EPHA6: variants seen among roughly 807,000 people sequenced by gnomAD.
EPHA6 encodes ephrin type-A receptor 6.
Under a neutral mutation model 112.0 loss-of-function variants are expected in EPHA6, and 50 were observed. The ratio of observed to expected loss-of-function variants is 0.45; its 90% confidence interval spans 0.36 to 0.56. The LOEUF (loss-of-function observed/expected upper bound fraction) is 0.56, where lower values mean the gene tolerates loss of function less well. EPHA6 is among the 20% of genes least tolerant of loss of function. EPHA6 has a pLI of 0.00. For synonymous variants in EPHA6, 529 were observed against 490.7 expected, an observed-to-expected ratio of 1.08 and a Z score of -1.03; for missense variants, 1,280 against 1,417.4, an observed-to-expected ratio of 0.90 and a Z score of 1.56.
chr3:96,981,617 C>T (rs2042787168), intron 2 of EPHA6, among the ~76,000 whole-genome samples: 1 of 152,014 alleles, frequency 6.6e-6, no homozygotes, highest in South Asian at 2.1e-4. Context: ...GGAATAATTT[C>T]AGAAGGAATG....
chr3:97,579,091 T>C (rs2093414476), intron 11 of EPHA6, among the ~76,000 whole-genome samples: 1 of 152,250 alleles, frequency 6.6e-6, no homozygotes, highest in Admixed American at 6.5e-5. Context: ...TGCTAGATTA[T>C]AGCTAAATCT....
intron 3 of EPHA6, among the ~76,000 whole-genome samples, chr3:97,067,164 T>C (rs113186483): frequency 0.014 from 2,154 of 152,282 alleles, 27 homozygotes; most frequent in Non-Finnish European, 0.021. Flanking sequence ...ATTTAGTTTT[T>C]GTTGCCTGCC....
chr3:96,921,197 A>G (rs2039743425), intron 2 of EPHA6, among the ~76,000 whole-genome samples: 1 of 152,134 alleles, frequency 6.6e-6, no homozygotes, highest in African/African-American at 2.4e-5. Context: ...CATGATAGGC[A>G]GTATAGTGTA....
rs2107486312 is a variant in EPHA6, at chr3:97,481,244, T to A, written c.2074+1880T>A. The A allele has an allele frequency of 1.3e-5, 18 of 1,419,562 alleles. 2 individuals carry two copies. In the South Asian group the frequency reaches 2.1e-4, roughly 16 times the overall value. The allele number at this position is 1,419,562 out of a possible 1,614,324, so 87.9% of individuals were successfully genotyped here. Reference sequence around the variant, plus strand: ...CTCCATTACTATTTGGACTTTTAGATCACGTACATAACCAGGAATTGAATA... The same window carrying A: ...CTCCATTACTATTTGGACTTTTAGAACACGTACATAACCAGGAATTGAATA... On this transcript the variant is annotated intron_variant, in intron 9 of 17. Transcript: ENST00000389672.
At chr3:97,621,829 T>C (rs2093816397) in intron 13 of EPHA6, among the ~76,000 whole-genome samples, 1 of 151,874 alleles carries the variant, frequency 6.6e-6, no homozygotes, top group African/African-American at 2.4e-5. Flanking sequence ...TAAGAGGGAC[T>C]CAGTGTTCTC....
intron 10 of EPHA6, among the ~76,000 whole-genome samples, chr3:97,527,254 G>A (rs1303731035): frequency 1.3e-5 from 2 of 152,030 alleles, no homozygotes; most frequent in Non-Finnish European, 2.9e-5. Context: ...TTATTTATGG[G>A]TCTGAAGCTG....
intron 14 of EPHA6, among the ~76,000 whole-genome samples, chr3:97,665,111 C>T (rs1371227964): frequency 6.6e-6 from 1 of 152,070 alleles, no homozygotes; most frequent in Non-Finnish European, 1.5e-5. Context: ...GTACTGGTAC[C>T]AAAACAGAGA....
At chr3:97,395,778 T>G (rs185704443) in intron 5 of EPHA6, among the ~76,000 whole-genome samples, 120 of 150,396 alleles carry the variant, frequency 8.0e-4, no homozygotes, top group Non-Finnish European at 1.1e-3. Flanking sequence ...TGTAAAGAAA[T>G]AAGGCAGTAA....
chr3:96,924,406 G>A (rs1418028956), intron 2 of EPHA6, among the ~76,000 whole-genome samples: 1 of 152,038 alleles, frequency 6.6e-6, no homozygotes, highest in African/African-American at 2.4e-5. Context: ...TATTTTGGCA[G>A]TTGTGAATGG....
chr3:97,026,915 C>A (rs1275221349), intron 3 of EPHA6, among the ~76,000 whole-genome samples: 1 of 152,094 alleles, frequency 6.6e-6, no homozygotes, highest in Non-Finnish European at 1.5e-5. Context: ...AAATACCATT[C>A]AACCCAGTAA....
chr3:97,594,451 GC>G (rs772049301), intron 12 of EPHA6, among the ~76,000 whole-genome samples: 9 of 152,102 alleles, frequency 5.9e-5, no homozygotes, highest in Admixed American at 2.0e-4. Flanking sequence ...TAAAAAAATT[GC>G]TTCTTAAAAA....
rs892127675 is a variant in EPHA6, at chr3:96,906,092, A to G, written c.450+39203A>G. On this transcript the variant is annotated intron_variant, in intron 2 of 17. Coordinates refer to ENST00000389672, the MANE Select transcript of EPHA6 (RefSeq NM_001080448.3). ...GATAATATTGAGAAATCAGTGAGAA[A>G]CCTAGTAAATTACCAAATATGTTCT... Among the ~76,000 whole-genome samples the G allele has an allele frequency of 7.9e-5, 12 of 152,202 alleles. No homozygotes were observed. In the South Asian group the frequency reaches 1.5e-3, roughly 18 times the overall value.
chr3:97,125,132 A>G (rs1374378912), intron 3 of EPHA6, among the ~76,000 whole-genome samples: 2 of 151,412 alleles, frequency 1.3e-5, no homozygotes, highest in Non-Finnish European at 1.5e-5. Flanking sequence ...ATTTAAAGAC[A>G]GAAGAAACTA....
chr3:97,153,569 G>A (rs1470687735), intron 3 of EPHA6, among the ~76,000 whole-genome samples: 1 of 152,068 alleles, frequency 6.6e-6, no homozygotes, highest in Non-Finnish European at 1.5e-5. Flanking sequence ...TTTGATGAAT[G>A]TTTGTTGAAT....
intron 5 of EPHA6, among the ~76,000 whole-genome samples, chr3:97,340,169 A>C (rs986508749): frequency 6.6e-5 from 10 of 152,180 alleles, no homozygotes; most frequent in Admixed American, 6.5e-5. Context: ...CCCGCTAAAT[A>C]TTGAGTTTTC....
intron 3 of EPHA6, among the ~76,000 whole-genome samples, chr3:97,126,426 C>T (rs538101771): frequency 4.6e-5 from 7 of 152,076 alleles, no homozygotes; most frequent in African/African-American, 7.2e-5. Flanking sequence ...CCAAAAAGCA[C>T]GATGAAAAAG....
chr3:97,256,380 T>C (rs2079314157), intron 5 of EPHA6, among the ~76,000 whole-genome samples: 1 of 152,012 alleles, frequency 6.6e-6, no homozygotes, highest in African/African-American at 2.4e-5. Flanking sequence ...AGTTTTCCTT[T>C]ATTTAACGTA....
At chr3:97,699,542 C>T (rs1010763722) in intron 14 of EPHA6, among the ~76,000 whole-genome samples, 9 of 152,060 alleles carry the variant, frequency 5.9e-5, no homozygotes, top group Non-Finnish European at 1.3e-4. Flanking sequence ...AGCTAGGATT[C>T]GGATGTAAGC....
intron 11 of EPHA6, among the ~76,000 whole-genome samples, chr3:97,534,142 T>C (rs2092729172): frequency 6.6e-6 from 1 of 152,146 alleles, no homozygotes; most frequent in African/African-American, 2.4e-5. Flanking sequence ...ATCCTTTACT[T>C]CCACATCTGT....
Sources: gnomAD v4.1 joint callset for allele counts (sites outside exome capture counted in the v4.1 genomes callset) on GRCh38, gnomAD v4.1.1 for gene constraint, MANE v1.5 for transcripts, NCBI Gene and HGNC (gene_info 2026-07-23, HGNC 2026-07-21) for gene names.